Variants in ST7L observed in about 807,000 individuals in gnomAD.
ST7L encodes suppressor of tumorigenicity 7 protein-like.
Under a neutral mutation model 72.5 loss-of-function variants are expected in ST7L, and 57 were observed. The observed-to-expected ratio is 0.79, with a 90% CI of 0.64 to 0.98. The LOEUF (loss-of-function observed/expected upper bound fraction) is 0.98, where lower values mean the gene tolerates loss of function less well. ST7L is among the 50% of genes least tolerant of loss of function. The pLI is 0.00. For missense variants in ST7L, 576 were observed against 672.2 expected, an observed-to-expected ratio of 0.86 and a Z score of 1.58; for synonymous variants, 221 against 240.9, an observed-to-expected ratio of 0.92 and a Z score of 0.77.
At chr1:112,586,497 G>A (rs895553077) in intron 6 of ST7L, among the ~76,000 whole-genome samples, 6 of 152,070 alleles carry the variant, frequency 3.9e-5, no homozygotes, top group African/African-American at 2.4e-5. Flanking sequence ...TCCAAAAACC[G>A]ACTGAAATAT....
At chr1:112,518,383 C>T in the ST7L span, 2 of 152,166 alleles carry the variant, frequency 1.3e-5, no homozygotes, top group Admixed American at 6.5e-5. Flanking sequence ...CAGCTATCTT[C>T]GGTACTGTTT....
At chr1:112,561,542 G>T (rs775660578) in intron 11 of ST7L, among the ~76,000 whole-genome samples, 1 of 151,752 alleles carries the variant, frequency 6.6e-6, no homozygotes. Flanking sequence ...GTGCAATGGC[G>T]TGATCTCGGC....
intron 1 of ST7L, chr1:112,617,898 A>C: frequency 3.4e-6 from 3 of 884,760 alleles, no homozygotes; most frequent in Non-Finnish European, 4.8e-6. Context: ...CACCTGTTAC[A>C]GAGATGCCAA....
intron 14 of ST7L, among the ~76,000 whole-genome samples, chr1:112,533,014 C>A (rs897767495): frequency 6.6e-6 from 1 of 152,188 alleles, no homozygotes; most frequent in Non-Finnish European, 1.5e-5. Context: ...CAATCCTTCA[C>A]AAACTTGCCC....
intron 4 of ST7L, among the ~76,000 whole-genome samples, chr1:112,599,365 T>C (rs1427859133): frequency 1.3e-5 from 2 of 152,020 alleles, no homozygotes; most frequent in African/African-American, 2.4e-5. Context: ...ATAGGAGTTA[T>C]TGCTTAGTCA....
intron 11 of ST7L, among the ~76,000 whole-genome samples, chr1:112,556,271 T>C (rs1236703109): frequency 6.6e-6 from 1 of 152,178 alleles, no homozygotes; most frequent in African/African-American, 2.4e-5. Flanking sequence ...CCTGGCTAAA[T>C]ACAAAATGGA....
At chr1:112,556,997 A>AAAAAAAAAAAAAAAAAAAAAAAC (rs1557974323) in intron 11 of ST7L, among the ~76,000 whole-genome samples, 1 of 142,666 alleles carries the variant, frequency 7.0e-6, no homozygotes, top group African/African-American at 2.9e-5. Context: ...AAAAAAAAAA[A>AAAAAAAAAAAAAAAAAAAAAAAC]ACACAAAGAA....
At chr1:112,597,928 C>G in intron 5 of ST7L, 43 bp downstream of exon 5, 1 of 1,435,984 alleles carries the variant, frequency 7.0e-7, no homozygotes. Context: ...TTAAGATGAT[C>G]TTCATGATCA....
At chr1:112,588,715 C>G in intron 6 of ST7L, among the ~76,000 whole-genome samples, 1 of 152,112 alleles carries the variant, frequency 6.6e-6, no homozygotes, top group East Asian at 1.9e-4. Flanking sequence ...GTATGTTGAA[C>G]CATTCTTGCA....
Position 112,586,644 on chromosome 1 carries a change from TC to T in ST7L, c.702-2519del, listed in dbSNP as rs1465861548. On this transcript the variant is annotated intron_variant, in intron 6 of 14. Coordinates refer to ENST00000358039, the MANE Select transcript of ST7L (RefSeq NM_017744.5). The stretch of plus-strand genomic sequence containing the variant: ...ATGGATATATGGTGAAAAGATTTTT[TC>T]CCCCTTAAAGTTTTCTTGGATTTGT... Among the ~76,000 whole-genome samples, 4 of 152,278 alleles carry T rather than the reference TC, an allele frequency of 2.6e-5. No homozygotes were observed. In the East Asian group the frequency reaches 7.7e-4, roughly 29 times the overall value.
chr1:112,595,370 GAAAAAAAAAAAAA>G (rs67553307), intron 5 of ST7L, among the ~76,000 whole-genome samples: 27 of 52,028 alleles, frequency 5.2e-4, no homozygotes, highest in Admixed American at 1.8e-3. Flanking sequence ...GGTCTCAAAA[GAAAAAAAAAAAAA>G]AAAAAAAAAA....
At chr1:112,570,332 T>C (rs1367387738) in intron 11 of ST7L, among the ~76,000 whole-genome samples, 1 of 152,002 alleles carries the variant, frequency 6.6e-6, no homozygotes, top group African/African-American at 2.4e-5. Context: ...AGCAAATTCA[T>C]TGCTTGAAGA....
chr1:112,573,264 C>T (rs1662455787), intron 11 of ST7L, among the ~76,000 whole-genome samples: 1 of 150,552 alleles, frequency 6.6e-6, no homozygotes, highest in African/African-American at 2.4e-5. Flanking sequence ...AGGAGAATCA[C>T]CTGAACCCGG....
At chr1:112,584,559 C>T (rs913103285) in intron 6 of ST7L, among the ~76,000 whole-genome samples, 1 of 151,958 alleles carries the variant, frequency 6.6e-6, no homozygotes, top group Non-Finnish European at 1.5e-5. Context: ...CCAATCTTGG[C>T]TCACTGAAAC....
At chr1:112,558,407 T>C (rs1047253527) in intron 11 of ST7L, among the ~76,000 whole-genome samples, 1 of 152,182 alleles carries the variant, frequency 6.6e-6, no homozygotes, top group African/African-American at 2.4e-5. Flanking sequence ...GCTGTAGTGG[T>C]TTCAAAATTT....
chr1:112,588,669 T>G (rs1665226193), intron 6 of ST7L, among the ~76,000 whole-genome samples: 2 of 152,214 alleles, frequency 1.3e-5, no homozygotes, highest in African/African-American at 4.8e-5. Context: ...TCTTTCTTCA[T>G]TCTATTAATG....
intron 2 of ST7L, 57 bp from the exon 3 acceptor site, chr1:112,611,060 A>C: frequency 5.8e-6 from 9 of 1,541,786 alleles, no homozygotes; most frequent in Non-Finnish European, 7.0e-6. Flanking sequence ...ACATGAGCTC[A>C]AATTAAAACA....
At chr1:112,614,741 G>A (rs567573860) in intron 2 of ST7L, among the ~76,000 whole-genome samples, 14 of 151,960 alleles carry the variant, frequency 9.2e-5, no homozygotes, top group South Asian at 4.2e-4. Context: ...ATGCCCAAGC[G>A]TCTGAGACTA....
chr1:112,542,183 A>G lies in ST7L; in HGVS notation c.1490-93T>C, dbSNP rs149731104. 9,630 of 1,275,886 alleles carry G rather than the reference A, an allele frequency of 7.5e-3. 49 individuals carry two copies. Among genetic ancestry groups the G allele is most frequent in the Non-Finnish European group, 8.9e-3 (8,503 of 955,698 alleles). 79.0% of individuals were successfully genotyped at this position (1,275,886 alleles called of 1,614,324 possible). A position where few individuals can be genotyped will look rare whatever the true frequency, so the allele number is the denominator to read the frequency against. ...CAAATGAAATCTGTTTTTAAAAATT[A>G]AAAAGAAAAAAAATTTAAAAAGGAA... On this transcript the variant is annotated intron_variant, in intron 13 of 14. Transcript: ENST00000358039.
Sources: allele counts gnomAD v4.1 joint callset (sites outside exome capture counted in the v4.1 genomes callset), GRCh38; gene constraint gnomAD v4.1.1; transcripts MANE v1.5; gene names NCBI Gene and HGNC (gene_info 2026-07-23, HGNC 2026-07-21).